Variants in IDE observed in about 807,000 individuals in gnomAD.
IDE encodes insulin degrading enzyme.
A neutral mutation model predicts 133.2 loss-of-function variants in IDE; 58 were observed. The ratio of observed to expected loss-of-function variants is 0.44; its 90% CI spans 0.35 to 0.54. The LOEUF (loss-of-function observed/expected upper bound fraction) is 0.54. Among genes scored for constraint, IDE ranks in the 20% least tolerant of loss-of-function variants. The pLI is 0.00. For missense variants in IDE, 981 were observed against 1,234.0 expected (o/e 0.79, Z 3.07); for synonymous variants, 396 against 421.3 (o/e 0.94, Z 0.73).
chr10:92,495,707 A>C lies in IDE; in HGVS notation c.1431-5112T>G, dbSNP rs189049975. Among the ~76,000 whole-genome samples, 32 of 152,158 alleles carry C rather than the reference A, an allele frequency of 2.1e-4. No individual in the cohort carries two copies. The East Asian group carries it at 6.0e-3, about 29-fold the overall frequency. ...ATGAACCCTCTCCTTCCACTAGTAA[A>C]ATTCTACACTATCATGATATCAAAT... On this transcript the variant is annotated intron_variant, in intron 11 of 24. Coordinates refer to ENST00000265986, the MANE Select transcript of IDE (RefSeq NM_004969.4).
chr10:92,563,880 A>G (rs1026963132), intron 1 of IDE, among the ~76,000 whole-genome samples: 1 of 152,250 alleles, frequency 6.6e-6, no homozygotes, highest in Non-Finnish European at 1.5e-5. Flanking sequence ...AAGTCTCACA[A>G]AGGATATCCC....
chr10:92,553,669 A>G (rs1472377729), intron 1 of IDE, among the ~76,000 whole-genome samples: 1 of 152,138 alleles, frequency 6.6e-6, no homozygotes, highest in African/African-American at 2.4e-5. Context: ...CTGATACCGC[A>G]AAAATTCAAA....
At chr10:92,571,168 C>T (rs531031189) in intron 1 of IDE, among the ~76,000 whole-genome samples, 2 of 151,896 alleles carry the variant, frequency 1.3e-5, no homozygotes, top group Non-Finnish European at 1.5e-5. Context: ...CCCACCACCA[C>T]GCCCGGCTAA....
At chr10:92,527,774 TGA>T (rs569523232) in intron 4 of IDE, among the ~76,000 whole-genome samples, 15 of 152,286 alleles carry the variant, frequency 9.8e-5, no homozygotes, top group African/African-American at 3.6e-4. Flanking sequence ...CCTAACACTT[TGA>T]GAGGCCAAGG....
intron 1 of IDE, among the ~76,000 whole-genome samples, chr10:92,551,783 T>C (rs1480882207): frequency 6.6e-6 from 1 of 151,982 alleles, no homozygotes; most frequent in African/African-American, 2.4e-5. Context: ...AGATGGATGA[T>C]GGTGATGGTT....
chr10:92,490,947 G>A (rs1262200543), intron 11 of IDE, among the ~76,000 whole-genome samples: 4 of 152,114 alleles, frequency 2.6e-5, no homozygotes, highest in African/African-American at 9.7e-5. Flanking sequence ...CCTAAAAAAA[G>A]CAAAGAAGTT....
chr10:92,454,546 AG>A lies in IDE; in HGVS notation c.2965-8del. The A allele has an allele frequency of 2.5e-6, 4 of 1,610,052 alleles. No homozygotes were observed. Among genetic ancestry groups the A allele is most frequent in the Non-Finnish European group, 3.4e-6 (4 of 1,176,462 alleles). ...TGTTCTGAATCACTTCAGGCTGCAA[AG>A]AAAAAAGTTTCCTTTTAGTGTATTT... On this transcript the variant is annotated splice_polypyrimidine_tract_variant and splice_region_variant and intron_variant, in intron 24 of 24. Transcript: ENST00000265986.
chr10:92,549,417 G>A (rs569917779), intron 1 of IDE, among the ~76,000 whole-genome samples: 14 of 152,162 alleles, frequency 9.2e-5, no homozygotes, highest in East Asian at 3.9e-4. Flanking sequence ...AGTACAGAAC[G>A]CTTCTATAAT....
intron 1 of IDE, among the ~76,000 whole-genome samples, chr10:92,545,972 C>T (rs542202281): frequency 6.6e-6 from 1 of 152,246 alleles, no homozygotes; most frequent in South Asian, 2.1e-4. Flanking sequence ...TTCATAGCAA[C>T]ACTATTCAAA....
intron 12 of IDE, 57 bp downstream of exon 12, chr10:92,490,436 G>T: frequency 1.9e-6 from 2 of 1,059,422 alleles, no homozygotes; most frequent in Non-Finnish European, 2.9e-6. Flanking sequence ...GATCTAGGGA[G>T]CAATGTTCTT....
At chr10:92,562,601 T>A (rs570709342) in intron 1 of IDE, among the ~76,000 whole-genome samples, 4 of 152,268 alleles carry the variant, frequency 2.6e-5, no homozygotes, top group African/African-American at 9.6e-5. Context: ...TCAATCTTAC[T>A]GATATCTTCC....
At chr10:92,479,647 G>A (rs1037958437) in intron 14 of IDE, 24 of 417,064 alleles carry the variant, frequency 5.8e-5, no homozygotes, top group South Asian at 1.6e-4. Context: ...GCGTGTGTGC[G>A]TGCGCACTGG....
chr10:92,540,673 T>C (rs113939201), intron 1 of IDE, among the ~76,000 whole-genome samples: 139 of 152,260 alleles, frequency 9.1e-4, no homozygotes, highest in Non-Finnish European at 1.6e-3. Flanking sequence ...ATGATGATGA[T>C]GATGATGGTC....
At chr10:92,461,869 G>A (rs916881921) in intron 21 of IDE, among the ~76,000 whole-genome samples, 1 of 151,734 alleles carries the variant, frequency 6.6e-6, no homozygotes, top group Non-Finnish European at 1.5e-5. Flanking sequence ...TAGATACGGG[G>A]TTTCACCGTG....
chr10:92,503,718 A>G (rs958912540), intron 11 of IDE, among the ~76,000 whole-genome samples: 1 of 150,000 alleles, frequency 6.7e-6, no homozygotes, highest in Admixed American at 6.6e-5. Context: ...TGTCAAAAAG[A>G]CTTTTTTTTT....
At chr10:92,514,734 C>A (rs1298585171) in intron 5 of IDE, among the ~76,000 whole-genome samples, 186 bp downstream of exon 5, 1 of 152,120 alleles carries the variant, frequency 6.6e-6, no homozygotes, top group Non-Finnish European at 1.5e-5. Context: ...ACTTAAACTT[C>A]TTTTGGGAAC....
intron 1 of IDE, among the ~76,000 whole-genome samples, chr10:92,557,591 T>C (rs1669806268): frequency 6.6e-6 from 1 of 151,198 alleles, no homozygotes. Context: ...CCTCACCTTT[T>C]GATCAATTTA....
chr10:92,562,428 A>G (rs1022058525), intron 1 of IDE, among the ~76,000 whole-genome samples: 2 of 152,224 alleles, frequency 1.3e-5, no homozygotes, highest in Non-Finnish European at 2.9e-5. Context: ...ACTCATGCAA[A>G]CTAACCAATT....
At chr10:92,504,398 G>A (rs958296111) in intron 11 of IDE, among the ~76,000 whole-genome samples, 6 of 152,314 alleles carry the variant, frequency 3.9e-5, no homozygotes, top group Middle Eastern at 6.8e-3. Flanking sequence ...TTAAGAAAAA[G>A]AGGGTGCCTT....
Sources: gnomAD v4.1 joint callset for allele counts (sites outside exome capture counted in the v4.1 genomes callset) on GRCh38, gnomAD v4.1.1 for gene constraint, MANE v1.5 for transcripts, NCBI Gene and HGNC (gene_info 2026-07-23, HGNC 2026-07-21) for gene names.